Variants in TTN observed in about 807,000 individuals in gnomAD.
The protein encoded by TTN is connectin.
TTN carries 1,525 observed loss-of-function variants against 3,223.0 expected under a neutral mutation model. The ratio of observed to expected loss-of-function variants is 0.47; its 90% confidence interval spans 0.45 to 0.49. TTN has a LOEUF of 0.49. Among genes scored for constraint, TTN ranks in the 20% least tolerant of loss-of-function variants. The pLI is 0.00. For synonymous variants in TTN, 14,094 were observed against 15,161.0 expected (o/e 0.93, Z 5.17); for missense variants, 40,786 against 43,424.0 (o/e 0.94, Z 5.40).
chr2:178,666,977 T>C, intron 162 of TTN, 76 bp from the exon 163 acceptor site: 3 of 1,051,846 alleles, frequency 2.9e-6, no homozygotes, highest in Non-Finnish European at 2.7e-6. Flanking sequence ...GAAAGTTAGA[T>C]ATGTTAATAT....
rs578085621 is a variant in TTN, at chr2:178,584,921, C to T, written c.64720G>A (p.Ala21574Thr). 3.0e-5 allele frequency: 49 copies of T among 1,613,172 alleles called. No individual in the cohort carries two copies. The Admixed American group carries it at 4.0e-4, about 13-fold the overall frequency. Residue 21574 changes from alanine (A) to threonine (T), a missense_variant, in exon 310 of 363, where the codon GCT (alanine) becomes ACT (threonine). Ala to Thr is a moderately conservative substitution (Grantham distance 58, BLOSUM62 0). Coordinates refer to ENST00000589042, the MANE Select transcript of TTN (RefSeq NM_001267550.2). ...TGCCATGACAGGGAGCAAGCATCAGCGTCTATATCAGAAATGTCAAATGGA... is the reference window on the plus strand; with the variant it reads ...TGCCATGACAGGGAGCAAGCATCAGTGTCTATATCAGAAATGTCAAATGGA... ...QPPFDISDID[A>T]DACSLSWHIP...
rs768157020 is a variant in TTN at position 178,679,362 on chromosome 2, T to C, written c.33719A>G (p.Lys11240Arg). 4 of 1,612,742 alleles carry C rather than the reference T, an allele frequency of 2.5e-6. No individual in the cohort carries two copies. The Admixed American group carries it at 6.7e-5, about 27-fold the overall frequency. The change falls in exon 142 of 363, where the codon AAG becomes AGG. Residue 11240 changes from lysine to arginine, a missense_variant. By Grantham distance (26) the Lys-to-Arg change is conservative. Coordinates refer to ENST00000589042, the MANE Select transcript of TTN (RefSeq NM_001267550.2). ...EEKVPVLIPK[K>R]EKPPPAKVPE... ...ACCTTTTGCTGGCGGAGGCTTCTCC[T>C]TTTTAGGAATAAGCACAGGAACTTT...
Position 178,682,703 on chromosome 2 carries a change from T to A in TTN, c.33088A>T (p.Ile11030Phe), listed in dbSNP as rs768157143. ...YERYEEHEEY[I>F]TEPEKPIPVK... ...TTTGCAGTTTTGCTCATACCTGTGA[T>A]GTATTCTTCATGCTCTTCATATCGT... The change falls in exon 135 of 363, where the codon ATC becomes TTC. Residue 11030 changes from isoleucine (I) to phenylalanine (F), a missense_variant. Transcript: ENST00000589042. The A allele has an allele frequency of 6.2e-7, 1 of 1,611,244 alleles. No homozygotes were observed. Among genetic ancestry groups the A allele is most frequent in the Non-Finnish European group, 8.5e-7 (1 of 1,178,724 alleles).
In TTN at chr2:178,584,523, A is replaced by T. The variant is rs763970293; in HGVS notation, c.65028T>A (p.Ile21676=). The T allele has an allele frequency of 2.7e-5, 44 of 1,613,096 alleles. No homozygotes were observed. The highest frequency in any genetic ancestry group is 2.8e-5 in the Non-Finnish European group (33 of 1,179,528). ...ARVTKVNKDC[I]FVAWDRPDSD... ...TATCTGGTCTGTCCCAAGCAACAAAAATACAGTCCTTGTTGACTTTGGTGA... is the reference window on the plus strand; with the variant it reads ...TATCTGGTCTGTCCCAAGCAACAAATATACAGTCCTTGTTGACTTTGGTGA... Residue 21676 remains isoleucine (I), a synonymous_variant, in exon 311 of 363, where the codon ATT becomes ATA. Coordinates refer to ENST00000589042, the MANE Select transcript of TTN (RefSeq NM_001267550.2).
chr2:178,704,114 G>C (rs775252258), intron 106 of TTN, 33 bp downstream of exon 106: 22 of 1,606,852 alleles, frequency 1.4e-5, no homozygotes, highest in Non-Finnish European at 1.8e-5. Flanking sequence ...GACCTATGCT[G>C]TACCCACAAG....
In TTN at chr2:178,653,094, T is replaced by C. The variant is rs1392282736; in HGVS notation, c.38822A>G (p.Glu12941Gly). The change falls in exon 199 of 363, where the codon GAA (glutamate) becomes GGA (glycine). Residue 12941 changes from glutamate to glycine, a missense_variant. Physicochemically the swap from Glu to Gly is moderately conservative, Grantham distance 98 (BLOSUM62 -2). Transcript: ENST00000589042. ...AGGAGGAGTCACTGGCACTTTCTTT[T>C]CAGGAACAACTTCTTTGGGAGCCTC... ...VPEAPKEVVP[E>G]KKVPVTPPKK... 1 of 1,613,152 alleles carries C rather than the reference T, an allele frequency of 6.2e-7. No individual in the cohort carries two copies. The highest frequency in any genetic ancestry group is 1.1e-5 in the South Asian group (1 of 90,986).
At chr2:178,787,322 A>C (rs1281593930) in intron 13 of TTN, among the ~76,000 whole-genome samples, 5 of 152,108 alleles carry the variant, frequency 3.3e-5, no homozygotes, top group Non-Finnish European at 5.9e-5. Flanking sequence ...ATCTGCCTCG[A>C]AGGACTGCAA....
intron 152 of TTN, 86 bp downstream of exon 152, chr2:178,673,547 A>G: frequency 1.0e-6 from 1 of 977,754 alleles, no homozygotes; most frequent in Non-Finnish European, 1.5e-6. Context: ...AATGATTATA[A>G]GAAGGCAGTC....
Position 178,720,881 on chromosome 2 carries a change from A to G in TTN, c.23098+40T>C, listed in dbSNP as rs757573099. 3 of 1,532,186 alleles carry G rather than the reference A, an allele frequency of 2.0e-6. No homozygotes were observed. In the South Asian group the frequency reaches 4.0e-5, roughly 20 times the overall value. The allele number at this position is 1,532,186 out of a possible 1,614,324, so 94.9% of individuals were successfully genotyped here. On this transcript the variant is annotated intron_variant, in intron 79 of 362. Coordinates refer to ENST00000589042, the MANE Select transcript of TTN (RefSeq NM_001267550.2). ...CATAACTTTGCTAAGAGCCCAAATC[A>G]GAGGAGAATAAAGAAACAAAGAAGC...
At position 178,588,113 on chromosome 2, in the gene TTN, T is replaced by A; in HGVS notation, c.63294A>T (p.Gly21098=). 1.2e-6 allele frequency: 2 copies of A among 1,612,922 alleles called. No homozygotes were observed. Among genetic ancestry groups the A allele is most frequent in the Non-Finnish European group, 1.7e-6 (2 of 1,179,324 alleles). The change falls in exon 305 of 363, where the codon GGA becomes GGT. Residue 21098 remains glycine, a synonymous_variant. Coordinates refer to ENST00000589042, the MANE Select transcript of TTN (RefSeq NM_001267550.2). ...PVYDGGAPII[G]YVVEMRPKIA... ...TTTTTGGTCTCATTTCCACAACATA[T>A]CCAATGATCGGTGCACCACCATCAT...
chr2:178,805,360 A>T lies in TTN; in HGVS notation c.-13-705T>A, dbSNP rs568336703. Among the ~76,000 whole-genome samples, 390 of 151,814 alleles carry T rather than the reference A, an allele frequency of 2.6e-3. 1 individual carries two copies. Among genetic ancestry groups the T allele is most frequent in the African/African-American group, 8.9e-3 (368 of 41,470 alleles). On this transcript the variant is annotated intron_variant, in intron 1 of 362. Coordinates refer to ENST00000589042, the MANE Select transcript of TTN (RefSeq NM_001267550.2). ...CTCTGTCTCAAAAAAAAAAAAAAAA[A>T]AAAATTAAAATAAATAAACCTCTGC... is the stretch of plus-strand genomic sequence containing the variant.
At chr2:178,640,503 AT>A in intron 221 of TTN, 37 bp downstream of exon 221, 1 of 1,558,346 alleles carries the variant, frequency 6.4e-7, no homozygotes, top group African/African-American at 1.4e-5. Flanking sequence ...ACATATTTGC[AT>A]TTTTAGAGAC....
Position 178,566,093 on chromosome 2 carries a change from A to C in TTN, c.80039T>G (p.Val26680Gly). Residue 26680 changes from valine (V) to glycine (G), a missense_variant, in exon 326 of 363, where the codon GTT (valine) becomes GGT (glycine). By Grantham distance (109) the Val-to-Gly change is moderately radical. Transcript: ENST00000589042. ...CTGTGGTGGTCCTGGAGTGTCAAGA[A>C]CTTTCACAGTTACAAAAGCAGACTT... is the stretch of plus-strand genomic sequence containing the variant. ...GSKSAFVTVK[V>G]LDTPGPPQNL... is the part of the protein sequence containing the mutation. 6.2e-7 allele frequency: 1 copy of C among 1,613,580 alleles called. No individual in the cohort carries two copies. Among genetic ancestry groups the C allele is most frequent in the Middle Eastern group, 1.7e-4 (1 of 6,054 alleles).
At chr2:178,797,283 G>C (rs562224209) in intron 6 of TTN, among the ~76,000 whole-genome samples, 55 of 152,106 alleles carry the variant, frequency 3.6e-4, no homozygotes, top group Non-Finnish European at 6.2e-4. Context: ...TTTAAAGTAA[G>C]CTTTTTGTTC....
chr2:178,562,685 A>G lies in TTN; in HGVS notation c.83447T>C (p.Ile27816Thr), dbSNP rs1250426493. Residue 27816 changes from isoleucine (I) to threonine (T), a missense_variant, in exon 326 of 363, where the codon ATT becomes ACT. Ile to Thr is a moderately conservative substitution (Grantham distance 89). Transcript: ENST00000589042. ...RETTRKAYAT[I>T]TNNCTKTTFR... Reference sequence around the variant, plus strand: ...AGTAGTTTTAGTGCAATTATTTGTAATGGTAGCATAGGCTTTTCTTGTAGT... The same window carrying G: ...AGTAGTTTTAGTGCAATTATTTGTAGTGGTAGCATAGGCTTTTCTTGTAGT... 6.3e-7 allele frequency: 1 copy of G among 1,593,900 alleles called. No individual in the cohort carries two copies. The highest frequency in any genetic ancestry group is 8.5e-7 in the Non-Finnish European group (1 of 1,172,076).
At chr2:178,705,668 A>T in intron 102 of TTN, among the ~76,000 whole-genome samples, 1 of 152,170 alleles carries the variant, frequency 6.6e-6, no homozygotes, top group Non-Finnish European at 1.5e-5. Flanking sequence ...GAATTATAAT[A>T]TCAGAAAAAA....
In TTN at chr2:178,562,526, C is replaced by T. The variant is rs1286079244; in HGVS notation, c.83606G>A (p.Arg27869Lys). Residue 27869 changes from arginine (R) to lysine (K), a missense_variant, in exon 326 of 363, where the codon AGA (arginine) becomes AAA (lysine). Arg to Lys is a conservative substitution (Grantham distance 26). Transcript: ENST00000589042. ...ACGGGTCACATCAACAAGAGTTACTCTTCCAGGTGGGAGGGGTGGTTCAGA... is the reference window on the plus strand; with the variant it reads ...ACGGGTCACATCAACAAGAGTTACTTTTCCAGGTGGGAGGGGTGGTTCAGA... Reference protein sequence around the residue: ...KVSEPPLPPGRVTLVDVTRNT... With the variant: ...KVSEPPLPPGKVTLVDVTRNT... 1.9e-6 allele frequency: 3 copies of T among 1,610,736 alleles called. No homozygotes were observed. The African/African-American group carries it at 4.0e-5, about 22-fold the overall frequency.
chr2:178,551,336 AATT>A, intron 335 of TTN, 76 bp from the exon 336 acceptor site: 1 of 1,148,888 alleles, frequency 8.7e-7, no homozygotes, highest in Non-Finnish European at 1.2e-6. Context: ...AGAACAATAC[AATT>A]ATTCTATAAT....
rs777786229 is a variant in TTN, at chr2:178,577,371, A to C, written c.68964T>G (p.Ile22988Met). Residue 22988 changes from isoleucine to methionine, a missense_variant, in exon 324 of 363, where the codon ATT becomes ATG. Physicochemically the swap from Ile to Met is conservative, Grantham distance 10. Transcript: ENST00000589042. ...TTATCTGAGTGATATCTGATGGTCT[A>C]ATGTCTTTTCCTGCCTTGGACCAAC... ...KSSWSKAGKD[I>M]RPSDITQITS... is the part of the protein sequence containing the mutation. 6 of 1,612,990 alleles carry C rather than the reference A, an allele frequency of 3.7e-6. No homozygotes were observed. The East Asian group carries it at 1.3e-4, about 36-fold the overall frequency.
Sources: allele counts gnomAD v4.1 joint callset (sites outside exome capture counted in the v4.1 genomes callset), GRCh38; gene constraint gnomAD v4.1.1; transcripts MANE v1.5; gene names NCBI Gene and HGNC (gene_info 2026-07-23, HGNC 2026-07-21).